Variants in LATS1 observed in about 807,000 individuals in gnomAD.
LATS1 encodes serine/threonine-protein kinase LATS1.
A neutral mutation model predicts 106.6 loss-of-function variants in LATS1; 25 were observed. That is an observed-to-expected ratio of 0.23 (90% CI 0.17 to 0.33). LATS1 has a LOEUF of 0.33. Ranked by LOEUF, LATS1 falls within the 10% of genes least tolerant of loss-of-function variation. The pLI is 1.00. For synonymous variants in LATS1, 465 were observed against 455.6 expected (o/e 1.02, Z -0.26); for missense variants, 1,040 against 1,382.6 (o/e 0.75, Z 3.93).
Position 149,683,315 on chromosome 6 carries a change from C to T in LATS1, c.1774G>A (p.Glu592Lys). ...ACATTTTCATAACTCTTTTCACTCT[C>T]ATCTTCCTTGGGCAAGCTTGGCTGA... ...EDQPSLPKED[E>K]SEKSYENVDS... The change falls in exon 4 of 8, where the codon GAG becomes AAG. Residue 592 changes from glutamate to lysine, a missense_variant. Physicochemically the swap from Glu to Lys is moderately conservative, Grantham distance 56. Transcript: ENST00000543571. 1 of 1,614,186 alleles carries T rather than the reference C, an allele frequency of 6.2e-7. No individual in the cohort carries two copies. The highest frequency in any genetic ancestry group is 1.3e-5 in the African/African-American group (1 of 75,046).
At chr6:149,672,812 C>T (rs1781509674) in intron 7 of LATS1, among the ~76,000 whole-genome samples, 1 of 151,742 alleles carries the variant, frequency 6.6e-6, no homozygotes, top group Non-Finnish European at 1.5e-5. Context: ...GGGATGGTGG[C>T]GCATGCCTGT....
rs1782215223 is a variant in LATS1, at chr6:149,684,015, T to G, written c.1074A>C (p.Ile358=). 2.5e-6 allele frequency: 4 copies of G among 1,614,162 alleles called. No homozygotes were observed. The highest frequency in any genetic ancestry group is 3.4e-6 in the Non-Finnish European group (4 of 1,180,032). ...QNGTGQTDFM[I]HQNVVPAGTV... The stretch of plus-strand genomic sequence containing the variant: ...TGCCAGCAGGGACAACATTTTGGTG[T>G]ATCATGAAATCAGTTTGTCCAGTAC... The change falls in exon 4 of 8, where the codon ATA becomes ATC. Residue 358 remains isoleucine, a synonymous_variant. Transcript: ENST00000543571.
Position 149,684,443 on chromosome 6 carries a change from A to G in LATS1, c.646T>C (p.Ser216Pro), listed in dbSNP as rs757931796. 18 of 1,614,088 alleles carry G rather than the reference A, an allele frequency of 1.1e-5. No individual in the cohort carries two copies. Among genetic ancestry groups the G allele is most frequent in the Non-Finnish European group, 1.4e-5 (17 of 1,179,998 alleles). Reference sequence around the variant, plus strand: ...ACAAATGCTGATATACCAGATCCAGACAAAGGTCTTCCTACATCTGTCTGT... The same window carrying G: ...ACAAATGCTGATATACCAGATCCAGGCAAAGGTCTTCCTACATCTGTCTGT... ...NSQTDVGRPL[S>P]GSGISAFVQA... Residue 216 changes from serine (S) to proline (P), a missense_variant, in exon 4 of 8, where the codon TCT becomes CCT. Physicochemically the swap from Ser to Pro is moderately conservative, Grantham distance 74. This residue lies in a region of LATS1 where 624 missense variants were observed against 714.8 expected (regional missense o/e 0.87). Coordinates refer to ENST00000543571, the MANE Select transcript of LATS1 (RefSeq NM_004690.4).
intron 2 of LATS1, 28 bp downstream of exon 2, chr6:149,701,751 C>G: frequency 6.6e-7 from 1 of 1,519,398 alleles, no homozygotes; most frequent in Non-Finnish European, 9.0e-7. Context: ...TAAGAAGAAT[C>G]CTTTCTTTTG....
At position 149,684,030 on chromosome 6, in the gene LATS1, T is replaced by C; in HGVS notation, c.1059A>G (p.Gln353=). The part of the protein sequence containing the change: ...GRPGMQNGTG[Q]TDFMIHQNVV... ...CATTTTGGTGTATCATGAAATCAGT[T>C]TGTCCAGTACCATTCTGCATTCCAG... Residue 353 remains glutamine, a synonymous_variant, in exon 4 of 8, where the codon CAA becomes CAG. Transcript: ENST00000543571. 1 of 1,614,122 alleles carries C rather than the reference T, an allele frequency of 6.2e-7. No individual in the cohort carries two copies. Among genetic ancestry groups the C allele is most frequent in the Non-Finnish European group, 8.5e-7 (1 of 1,180,012 alleles).
chr6:149,683,026 C>T, intron 4 of LATS1, 53 bp downstream of exon 4: 1 of 1,394,888 alleles, frequency 7.2e-7, no homozygotes, highest in Non-Finnish European at 9.8e-7. Context: ...TTAAAATAAA[C>T]ACCAAGCAAA....
chr6:149,692,226 C>T (rs1782802382), intron 3 of LATS1, among the ~76,000 whole-genome samples: 1 of 152,172 alleles, frequency 6.6e-6, no homozygotes, highest in Non-Finnish European at 1.5e-5. Context: ...CCCCTATGGA[C>T]TTTTCCAGTC....
intron 5 of LATS1, among the ~76,000 whole-genome samples, chr6:149,677,177 A>T (rs1781767144): frequency 6.6e-6 from 1 of 152,216 alleles, no homozygotes. Flanking sequence ...GAACAGTGAC[A>T]TACCCTACAC....
intron 3 of LATS1, among the ~76,000 whole-genome samples, chr6:149,689,939 A>G (rs932726372): frequency 1.1e-4 from 17 of 151,896 alleles, no homozygotes; most frequent in African/African-American, 4.1e-4. Flanking sequence ...GGAGTCTTCC[A>G]ATTATCTTTT....
intron 7 of LATS1, among the ~76,000 whole-genome samples, chr6:149,663,450 GGGCGACAGAGC>G (rs1373008787): frequency 2.6e-5 from 4 of 152,254 alleles, no homozygotes; most frequent in Middle Eastern, 3.4e-3. Context: ...ACTCCAGCCT[GGGCGACAGAGC>G]AAGACCCTGT....
chr6:149,678,164 C>CAAAAA (rs56884854), intron 5 of LATS1, among the ~76,000 whole-genome samples: 739 of 43,518 alleles, frequency 0.017, 272 homozygotes, highest in African/African-American at 0.04. Flanking sequence ...ACTAAAAATC[C>CAAAAA]AAAAAAAAAA....
Position 149,669,058 on chromosome 6 carries a change from A to G in LATS1, c.2884-6820T>C, listed in dbSNP as rs115277936. ...AGCCGATCTCAAACTCCTGGGTTCCAGTGTTCTTCCTGCTGTGGCCTTCCA... is the reference window on the plus strand; with the variant it reads ...AGCCGATCTCAAACTCCTGGGTTCCGGTGTTCTTCCTGCTGTGGCCTTCCA... On this transcript the variant is annotated intron_variant, in intron 7 of 7. Transcript: ENST00000543571. 1.8e-3 allele frequency among the ~76,000 whole-genome samples: 280 copies of G among 152,082 alleles called. 8 individuals are homozygous for G. Among genetic ancestry groups the G allele is most frequent in the African/African-American group, 6.4e-3 (265 of 41,344 alleles).
chr6:149,669,738 G>A (rs1393898446), intron 7 of LATS1, among the ~76,000 whole-genome samples: 1 of 151,694 alleles, frequency 6.6e-6, no homozygotes, highest in Non-Finnish European at 1.5e-5. Context: ...CAGCGTGGGC[G>A]ACAGAGCAAG....
chr6:149,694,421 C>T (rs764021187), intron 3 of LATS1, among the ~76,000 whole-genome samples: 51 of 152,136 alleles, frequency 3.4e-4, no homozygotes, highest in Admixed American at 8.5e-4. Context: ...GTAAGCCTCC[C>T]GCATCAGTCT....
At chr6:149,714,698 A>G (rs1784292442) in intron 1 of LATS1, among the ~76,000 whole-genome samples, 1 of 152,184 alleles carries the variant, frequency 6.6e-6, no homozygotes, top group Admixed American at 6.5e-5. Context: ...ACACACAATC[A>G]TAAAGACAAT....
chr6:149,660,260 G>A lies in LATS1; in HGVS notation c.*1469C>T, dbSNP rs1344918151. The A allele has an allele frequency of 4.3e-6, 1 of 232,942 alleles. No homozygotes were observed. Among genetic ancestry groups the A allele is most frequent in the Non-Finnish European group, 8.5e-6 (1 of 117,982 alleles). The allele number at this position is 232,942 out of a possible 1,614,324, so 14.4% of individuals were successfully genotyped here. ...TAACACAGTAGTGGGTTTTCAGGCT[G>A]AGCTCTGAAAGGACCACCTGTAGAA... On this transcript the variant is annotated 3_prime_UTR_variant, in exon 8 of 8. Transcript: ENST00000543571.
At position 149,661,358 on chromosome 6, in the gene LATS1, ACTGT is replaced by A. The variant is rs1301758815; in HGVS notation, c.*367_*370del. On this transcript the variant is annotated 3_prime_UTR_variant, in exon 8 of 8. Transcript: ENST00000543571. Reference sequence around the variant, plus strand: ...TTGGTTAAAGCAAGATAAAACTAAAACTGTCTTTCAAAAAAATTTCAAAAACTCT... The same window carrying A: ...TTGGTTAAAGCAAGATAAAACTAAAACTTTCAAAAAAATTTCAAAAACTCT... 1 of 239,316 alleles carries A rather than the reference ACTGT, an allele frequency of 4.2e-6. No individual in the cohort carries two copies. The highest frequency in any genetic ancestry group is 5.6e-5 in the Admixed American group (1 of 18,008). The allele number at this position is 239,316 out of a possible 1,614,324, so 14.8% of individuals were successfully genotyped here.
chr6:149,708,651 C>T (rs373950227), intron 1 of LATS1, among the ~76,000 whole-genome samples: 6 of 152,164 alleles, frequency 3.9e-5, no homozygotes, highest in African/African-American at 1.4e-4. Flanking sequence ...CACTTTGCTT[C>T]GGTTTTCCTG....
At chr6:149,709,980 C>T (rs779459782) in intron 1 of LATS1, among the ~76,000 whole-genome samples, 1 of 152,012 alleles carries the variant, frequency 6.6e-6, no homozygotes, top group Non-Finnish European at 1.5e-5. Flanking sequence ...GCCCACAACC[C>T]CTTATCTTAA....
Sources: gnomAD v4.1 joint callset for allele counts (sites outside exome capture counted in the v4.1 genomes callset) on GRCh38, gnomAD v4.1.1 for gene constraint, gnomAD v4.1.1 regional missense constraint, MANE v1.5 for transcripts, NCBI Gene and HGNC (gene_info 2026-07-23, HGNC 2026-07-21) for gene names.